PTK2B: variants seen among roughly 807,000 people sequenced by gnomAD.
PTK2B encodes protein-tyrosine kinase 2-beta.
PTK2B carries 71 observed loss-of-function variants against 142.9 expected under a neutral mutation model. That is an observed-to-expected ratio of 0.50 (90% CI 0.41 to 0.61). PTK2B has a LOEUF of 0.61. PTK2B is among the 20% of genes least tolerant of loss of function. The probability of loss-of-function intolerance (pLI) is 0.00; values close to 1 mark genes in which losing one functional copy is unlikely to be tolerated. For missense variants in PTK2B, 1,105 were observed against 1,320.4 expected (o/e 0.84, Z 2.53); for synonymous variants, 519 against 503.4 (o/e 1.03, Z -0.42).
intron 2 of PTK2B, among the ~76,000 whole-genome samples, chr8:27,402,096 G>A (rs1016907723): frequency 6.6e-5 from 10 of 152,188 alleles, no homozygotes; most frequent in Admixed American, 5.2e-4. Context: ...TTGCCAGTAA[G>A]GGGGGAAGCC....
At chr8:27,420,868 G>C in intron 4 of PTK2B, 124 bp downstream of exon 4, 1 of 884,036 alleles carries the variant, frequency 1.1e-6, no homozygotes. Context: ...AGGCTAGGAA[G>C]CTTCTCTTGA....
intron 14 of PTK2B, 86 bp from the exon 15 acceptor site, chr8:27,436,165 C>T: frequency 7.6e-7 from 1 of 1,315,030 alleles, no homozygotes. Flanking sequence ...CTGGTGACGC[C>T]TGGCTTTAGA....
At chr8:27,404,103 T>C (rs1808556878) in intron 2 of PTK2B, among the ~76,000 whole-genome samples, 1 of 152,112 alleles carries the variant, frequency 6.6e-6, no homozygotes, top group Non-Finnish European at 1.5e-5. Context: ...GTCTCAAATG[T>C]ATCATGATAT....
intron 13 of PTK2B, among the ~76,000 whole-genome samples, chr8:27,434,871 G>T (rs897480720): frequency 6.6e-6 from 1 of 152,116 alleles, no homozygotes. Context: ...ATGGTGGCAT[G>T]TGCCTGTAGT....
chr8:27,368,456 T>C (rs1228300148), intron 1 of PTK2B, among the ~76,000 whole-genome samples: 1 of 152,168 alleles, frequency 6.6e-6, no homozygotes, highest in African/African-American at 2.4e-5. Context: ...CCTTGCCCAC[T>C]GGCTGTGAAT....
At chr8:27,347,590 C>CTG (rs1804792785) in intron 1 of PTK2B, among the ~76,000 whole-genome samples, 1 of 152,172 alleles carries the variant, frequency 6.6e-6, no homozygotes, top group Non-Finnish European at 1.5e-5. Flanking sequence ...GGTCATCCCT[C>CTG]TGTGTGTGTC....
At chr8:27,438,988 G>A (rs779052015) in intron 18 of PTK2B, 43 bp from the exon 19 acceptor site, 1 of 1,515,834 alleles carries the variant, frequency 6.6e-7, no homozygotes, top group Admixed American at 1.7e-5. Context: ...GCTCCCATGG[G>A]GGTGGGCAGT....
At chr8:27,339,807 G>T (rs1804287281) in intron 1 of PTK2B, among the ~76,000 whole-genome samples, 1 of 152,190 alleles carries the variant, frequency 6.6e-6, no homozygotes, top group Non-Finnish European at 1.5e-5. Flanking sequence ...TGGTTGGCAG[G>T]TTCAGAATTA....
intron 2 of PTK2B, among the ~76,000 whole-genome samples, chr8:27,414,666 A>G (rs569079466): frequency 2.6e-5 from 4 of 151,662 alleles, no homozygotes; most frequent in African/African-American, 4.9e-5. Context: ...TGCACTTCCA[A>G]TTCCAATCCT....
At chr8:27,386,898 CCTA>C (rs1403476262) in intron 1 of PTK2B, among the ~76,000 whole-genome samples, 1 of 151,012 alleles carries the variant, frequency 6.6e-6, no homozygotes, top group Non-Finnish European at 1.5e-5. Flanking sequence ...TTTTTAATCA[CCTA>C]CTTTTTTTTC....
chr8:27,357,070 T>C (rs1364529984), intron 1 of PTK2B, among the ~76,000 whole-genome samples: 3 of 152,142 alleles, frequency 2.0e-5, no homozygotes. Flanking sequence ...AATGAATCCA[T>C]GTAAAAAAAA....
chr8:27,432,142 C>G (rs1810470000), intron 9 of PTK2B, 118 bp from the exon 10 acceptor site: 9 of 840,532 alleles, frequency 1.1e-5, no homozygotes, highest in Non-Finnish European at 1.7e-5. Flanking sequence ...TTGATTCTCT[C>G]TTCATCTCCC....
intron 5 of PTK2B, among the ~76,000 whole-genome samples, chr8:27,425,713 T>C (rs2131928218): frequency 6.6e-6 from 1 of 152,354 alleles, no homozygotes; most frequent in East Asian, 1.9e-4. Context: ...ATGACCTATA[T>C]CTACCATTAT....
intron 1 of PTK2B, among the ~76,000 whole-genome samples, chr8:27,389,279 AGGAG>A (rs1432474971): frequency 6.6e-6 from 1 of 152,096 alleles, no homozygotes; most frequent in African/African-American, 2.4e-5. Context: ...GAAAGAAGAA[AGGAG>A]GGAGGGAGGG....
intron 8 of PTK2B, 170 bp downstream of exon 8, chr8:27,431,186 C>T (rs1810395770): frequency 2.7e-6 from 4 of 1,463,970 alleles, no homozygotes; most frequent in African/African-American, 1.4e-5. Context: ...TTGCCTGAAG[C>T]AGGCACTGAA....
intron 1 of PTK2B, among the ~76,000 whole-genome samples, chr8:27,383,154 G>A (rs1163584840): frequency 6.6e-6 from 1 of 152,106 alleles, no homozygotes; most frequent in East Asian, 1.9e-4. Context: ...AGGTAGTATG[G>A]TCATTTTAAC....
At chr8:27,392,480 C>T (rs1299945072) in intron 1 of PTK2B, among the ~76,000 whole-genome samples, 1 of 152,178 alleles carries the variant, frequency 6.6e-6, no homozygotes, top group Non-Finnish European at 1.5e-5. Flanking sequence ...TATGTTTTCT[C>T]ACTTCATCTT....
intron 2 of PTK2B, among the ~76,000 whole-genome samples, chr8:27,409,802 A>G (rs1808945085): frequency 6.6e-6 from 1 of 152,132 alleles, no homozygotes; most frequent in Non-Finnish European, 1.5e-5. Flanking sequence ...GCTCACTGCA[A>G]CCTCTGCCTC....
chr8:27,344,314 C>A (rs957193198), intron 1 of PTK2B, among the ~76,000 whole-genome samples: 1 of 152,220 alleles, frequency 6.6e-6, no homozygotes, highest in Admixed American at 6.5e-5. Context: ...ACTATATCAG[C>A]AAGGCAGGTC....
Sources: allele counts gnomAD v4.1 joint callset (sites outside exome capture counted in the v4.1 genomes callset), GRCh38; gene constraint gnomAD v4.1.1; transcripts MANE v1.5; gene names NCBI Gene and HGNC (gene_info 2026-07-23, HGNC 2026-07-21).